Variants in L3MBTL4 observed in about 807,000 individuals in gnomAD.
L3MBTL4 encodes the protein L3MBTL histone methyl-lysine binding protein 4, also known as lethal(3)malignant brain tumor-like protein 4.
In L3MBTL4, 70 loss-of-function variants were observed where a neutral mutation model predicts 84.5. That is an observed-to-expected ratio of 0.83 (90% CI 0.68 to 1.01). L3MBTL4 has a LOEUF of 1.01. Among genes scored for constraint, L3MBTL4 ranks in the 50% least tolerant of loss-of-function variants. L3MBTL4 has a pLI of 0.00. For missense variants in L3MBTL4, 715 were observed against 754.8 expected, an observed-to-expected ratio of 0.95 and a Z score of 0.62; for synonymous variants, 274 against 259.8, an observed-to-expected ratio of 1.05 and a Z score of -0.52.
At chr18:6,217,227 A>C (rs1389226842) in intron 10 of L3MBTL4, among the ~76,000 whole-genome samples, 2 of 152,146 alleles carry the variant, frequency 1.3e-5, no homozygotes, top group African/African-American at 4.8e-5. Context: ...CACAGATCTA[A>C]ACCAGGACAT....
rs553586332 is a variant in L3MBTL4 at position 6,323,356 on chromosome 18, A to G, written c.-90-11300T>C. Among the ~76,000 whole-genome samples, 3 of 152,340 alleles carry G rather than the reference A, an allele frequency of 2.0e-5. No homozygotes were observed. The South Asian group carries it at 6.2e-4, about 32-fold the overall frequency. On this transcript the variant is annotated intron_variant, in intron 1 of 18. Coordinates refer to ENST00000317931, the MANE Select transcript of L3MBTL4 (RefSeq NM_001330559.2). ...GGCTGGAAGAGTCTAGGGGGCTCAGAAGAAGATAAGAAGATGAAGGAAAGT... is the reference window on the plus strand; with the variant it reads ...GGCTGGAAGAGTCTAGGGGGCTCAGGAGAAGATAAGAAGATGAAGGAAAGT...
intron 4 of L3MBTL4, 89 bp downstream of exon 4, chr18:6,301,814 A>G (rs1361764738): frequency 3.2e-6 from 3 of 944,412 alleles, no homozygotes; most frequent in Admixed American, 1.7e-5. Flanking sequence ...ATTTTAATTA[A>G]TAAACCTAAA....
intron 17 of L3MBTL4, among the ~76,000 whole-genome samples, chr18:5,966,808 C>T (rs185417152): frequency 1.6e-4 from 25 of 152,336 alleles, no homozygotes; most frequent in African/African-American, 5.3e-4. Flanking sequence ...TCAGCTCTCA[C>T]ATATTATTAC....
intron 14 of L3MBTL4, among the ~76,000 whole-genome samples, chr18:6,100,917 C>T (rs1172787899): frequency 1.3e-5 from 2 of 152,224 alleles, no homozygotes; most frequent in Admixed American, 1.3e-4. Context: ...ATGTGATCTC[C>T]ACTGATGCTG....
At chr18:6,308,689 C>T (rs79323419) in intron 3 of L3MBTL4, among the ~76,000 whole-genome samples, 1 of 152,044 alleles carries the variant, frequency 6.6e-6, no homozygotes, top group Non-Finnish European at 1.5e-5. Flanking sequence ...GCAGAATGTG[C>T]GCCCATTTGG....
chr18:6,239,258 G>A (rs1476735092), intron 9 of L3MBTL4, among the ~76,000 whole-genome samples: 2 of 149,658 alleles, frequency 1.3e-5, no homozygotes, highest in East Asian at 2.0e-4. Context: ...GGAGAATGGC[G>A]TGAACCCGGG....
rs2047446028 is a variant in L3MBTL4 at position 6,241,425 on chromosome 18, CA to C, written c.484del (p.Trp162GlyfsTer5). On this transcript the variant is annotated frameshift_variant, in exon 8 of 19. Transcript: ENST00000317931. LOFTEE classifies it high-confidence loss of function. The part of the protein sequence containing the change: ...PKGYRKDKFV[W>X]MDYLKACKLQ... The stretch of plus-strand genomic sequence containing the variant: ...TTTGCAGGCCTTCAAGTAATCCATC[CA>C]AACAAATTTATCTTTTCTATAACCT... The C allele has an allele frequency of 6.3e-7, 1 of 1,596,966 alleles. No homozygotes were observed. The highest frequency in any genetic ancestry group is 8.5e-7 in the Non-Finnish European group (1 of 1,169,938).
At chr18:6,299,447 T>G (rs2146804732) in intron 4 of L3MBTL4, among the ~76,000 whole-genome samples, 1 of 152,332 alleles carries the variant, frequency 6.6e-6, no homozygotes, top group African/African-American at 2.4e-5. Context: ...GAGCACAGGC[T>G]TTAGAACTTG....
At chr18:6,199,461 C>T (rs1053538647) in intron 12 of L3MBTL4, among the ~76,000 whole-genome samples, 2 of 152,182 alleles carry the variant, frequency 1.3e-5, no homozygotes, top group South Asian at 2.1e-4. Context: ...ATGCCATGTC[C>T]GTCACTGCAG....
At chr18:6,170,956 C>G (rs1051127773) in intron 13 of L3MBTL4, among the ~76,000 whole-genome samples, 1 of 152,142 alleles carries the variant, frequency 6.6e-6, no homozygotes, top group African/African-American at 2.4e-5. Context: ...TCCAGAAGGG[C>G]CTTCATCTCT....
At chr18:6,386,112 CAGAT>C (rs1042515212) in intron 1 of L3MBTL4, among the ~76,000 whole-genome samples, 3 of 152,150 alleles carry the variant, frequency 2.0e-5, no homozygotes, top group Non-Finnish European at 2.9e-5. Flanking sequence ...AATAGAATGA[CAGAT>C]AGCACACCAA....
chr18:6,356,431 A>G (rs897188516), intron 1 of L3MBTL4, among the ~76,000 whole-genome samples: 2 of 152,230 alleles, frequency 1.3e-5, no homozygotes, highest in Admixed American at 1.3e-4. Context: ...ATAAACATAC[A>G]GTCATGTGTC....
intron 12 of L3MBTL4, among the ~76,000 whole-genome samples, chr18:6,201,699 T>C (rs781380554): frequency 1.4e-4 from 22 of 152,104 alleles, no homozygotes; most frequent in Non-Finnish European, 2.5e-4. Flanking sequence ...GAAAGAAAAA[T>C]GCAAATTTAT....
chr18:6,003,039 A>AGAT (rs557075794), intron 16 of L3MBTL4, among the ~76,000 whole-genome samples: 1 of 116,876 alleles, frequency 8.6e-6, no homozygotes, highest in African/African-American at 3.4e-5. Flanking sequence ...CTATTTATAG[A>AGAT]GATACTATAT....
chr18:6,403,513 A>T (rs2055597522), intron 1 of L3MBTL4, among the ~76,000 whole-genome samples: 1 of 152,188 alleles, frequency 6.6e-6, no homozygotes, highest in Admixed American at 6.5e-5. Flanking sequence ...ACTTGATTTT[A>T]TTCTCTAGGT....
At chr18:6,123,881 G>A (rs141604389) in intron 14 of L3MBTL4, among the ~76,000 whole-genome samples, 13 of 152,310 alleles carry the variant, frequency 8.5e-5, no homozygotes, top group Non-Finnish European at 1.3e-4. Context: ...AATAAGTGAC[G>A]AAATGACAGT....
chr18:6,108,985 A>G (rs898134378), intron 14 of L3MBTL4, among the ~76,000 whole-genome samples: 1 of 152,178 alleles, frequency 6.6e-6, no homozygotes, highest in African/African-American at 2.4e-5. Context: ...GGTATTCTCC[A>G]GGGTCCTGGA....
At chr18:6,019,426 C>T (rs1293336482) in intron 16 of L3MBTL4, among the ~76,000 whole-genome samples, 5 of 152,210 alleles carry the variant, frequency 3.3e-5, no homozygotes, top group South Asian at 2.1e-4. Flanking sequence ...GAAACCCCCT[C>T]ATGTTGACCC....
chr18:5,969,373 C>T lies in L3MBTL4; in HGVS notation c.1614+20G>A. 6.2e-7 allele frequency: 1 copy of T among 1,613,362 alleles called. No homozygotes were observed. The highest frequency in any genetic ancestry group is 1.1e-5 in the South Asian group (1 of 91,048). On this transcript the variant is annotated intron_variant, in intron 17 of 18. Transcript: ENST00000317931. ...GCAGCAGGCACACCCCAGCCCTGGC[C>T]CCCCAGCAGCTCCACTCACCTCATC...
Sources: allele counts gnomAD v4.1 joint callset (sites outside exome capture counted in the v4.1 genomes callset), GRCh38; gene constraint gnomAD v4.1.1; transcripts MANE v1.5; gene names NCBI Gene and HGNC (gene_info 2026-07-23, HGNC 2026-07-21).